The following PSEN1 variants were observed in gnomAD, a reference collection of about 807,000 sequenced individuals.
PSEN1 encodes presenilin-1.
In PSEN1, 15 loss-of-function variants were observed where a neutral mutation model predicts 53.5. The ratio of observed to expected loss-of-function variants is 0.28; its 90% CI spans 0.19 to 0.43. The LOEUF is 0.43. PSEN1 is among the 20% of genes least tolerant of loss of function. PSEN1 has a pLI of 1.00. For missense variants in PSEN1, 387 were observed against 571.2 expected, an observed-to-expected ratio of 0.68 and a Z score of 3.29; for synonymous variants, 208 against 209.8, an observed-to-expected ratio of 0.99 and a Z score of 0.08.
intron 3 of PSEN1, among the ~76,000 whole-genome samples, chr14:73,148,375 G>A (rs1897128953): frequency 6.6e-6 from 1 of 152,118 alleles, no homozygotes; most frequent in Non-Finnish European, 1.5e-5. Flanking sequence ...AGTTCATGTT[G>A]TTTATTATTT....
chr14:73,168,367 AC>A (rs1415635673), intron 3 of PSEN1: 1 of 152,134 alleles, frequency 6.6e-6, no homozygotes, highest in Non-Finnish European at 1.5e-5. Flanking sequence ...AAAAAAAAAA[AC>A]AAAAACAAAA....
chr14:73,173,490 C>T (rs1897951177), intron 4 of PSEN1, 76 bp from the exon 5 acceptor site: 2 of 1,431,114 alleles, frequency 1.4e-6, no homozygotes, highest in Admixed American at 1.7e-5. Flanking sequence ...AAAGAAAATT[C>T]TGTGTTGGAG....
intron 8 of PSEN1, among the ~76,000 whole-genome samples, chr14:73,205,917 G>A (rs1409139472): frequency 6.6e-6 from 1 of 152,082 alleles, no homozygotes. Context: ...TTTTTCTCAC[G>A]CCGGGTTTAA....
chr14:73,190,487 A>T (rs199825768), intron 6 of PSEN1, among the ~76,000 whole-genome samples: 6,325 of 107,110 alleles, frequency 0.059, 149 homozygotes, highest in Non-Finnish European at 0.075. Context: ...TCTCTATTTA[A>T]AAAAAAAAAA....
intron 10 of PSEN1, among the ~76,000 whole-genome samples, chr14:73,215,916 A>C (rs1288097880): frequency 5.3e-5 from 8 of 152,150 alleles, no homozygotes; most frequent in Admixed American, 5.2e-4. Flanking sequence ...AAAAACCTAA[A>C]CTTACATAGC....
chr14:73,175,326 C>T (rs1295178132), intron 5 of PSEN1, among the ~76,000 whole-genome samples: 4 of 151,996 alleles, frequency 2.6e-5, no homozygotes, highest in East Asian at 1.9e-4. Context: ...TGGGTTTTAC[C>T]GTGTTGGCCA....
At chr14:73,206,225 A>C (rs1899448265) in intron 8 of PSEN1, 161 bp from the exon 9 acceptor site, 1 of 667,824 alleles carries the variant, frequency 1.5e-6, no homozygotes, top group Admixed American at 2.3e-5. Flanking sequence ...TACCTGCTAA[A>C]ACCAAAGAGA....
intron 8 of PSEN1, among the ~76,000 whole-genome samples, chr14:73,199,299 G>A (rs886793382): frequency 1.3e-5 from 2 of 152,176 alleles, no homozygotes; most frequent in Non-Finnish European, 2.9e-5. Context: ...TCAAATAAAA[G>A]CAGAAGAGAA....
intron 8 of PSEN1, among the ~76,000 whole-genome samples, chr14:73,202,675 T>C (rs986739850): frequency 2.0e-5 from 3 of 150,824 alleles, no homozygotes; most frequent in Non-Finnish European, 4.4e-5. Context: ...GGTTTCACCG[T>C]GTTAGCCAGG....
At chr14:73,184,475 G>A (rs1487888309) in intron 5 of PSEN1, among the ~76,000 whole-genome samples, 1 of 97,250 alleles carries the variant, frequency 1.0e-5, no homozygotes, top group Non-Finnish European at 2.1e-5. Flanking sequence ...CCGGGCAGAG[G>A]CGCCCCTCAC....
chr14:73,160,604 GT>G (rs111650497), intron 3 of PSEN1, among the ~76,000 whole-genome samples: 9 of 150,424 alleles, frequency 6.0e-5, no homozygotes, highest in Admixed American at 2.0e-4. Context: ...AACGGGTGTA[GT>G]TTTTTTTTGC....
intron 8 of PSEN1, among the ~76,000 whole-genome samples, chr14:73,202,469 T>TA (rs1566648467): frequency 4.6e-4 from 24 of 52,376 alleles, no homozygotes; most frequent in African/African-American, 1.7e-3. Flanking sequence ...TATATTTTTT[T>TA]TTTTTTTTTT....
intron 3 of PSEN1, among the ~76,000 whole-genome samples, chr14:73,164,749 A>G (rs181054325): frequency 7.2e-4 from 109 of 152,332 alleles, no homozygotes; most frequent in African/African-American, 2.5e-3. Context: ...AGACTTTTAA[A>G]TTCCAAATTT....
chr14:73,215,037 C>T (rs917288420), intron 10 of PSEN1, among the ~76,000 whole-genome samples: 2 of 152,088 alleles, frequency 1.3e-5, no homozygotes, highest in African/African-American at 4.8e-5. Context: ...TCTCAGCTCA[C>T]TGCAACTCTG....
chr14:73,154,057 A>G (rs1897294989), intron 3 of PSEN1, among the ~76,000 whole-genome samples: 1 of 152,126 alleles, frequency 6.6e-6, no homozygotes, highest in South Asian at 2.1e-4. Context: ...AATGTATTTT[A>G]AGTAAATATT....
chr14:73,202,459 T>TATAG (rs1899259437), intron 8 of PSEN1, among the ~76,000 whole-genome samples: 2 of 18,626 alleles, frequency 1.1e-4, no homozygotes, highest in African/African-American at 7.1e-4. Flanking sequence ...TATATATATA[T>TATAG]ATATTTTTTT....
intron 9 of PSEN1, among the ~76,000 whole-genome samples, chr14:73,207,770 C>A (rs1397615772): frequency 1.3e-5 from 2 of 152,226 alleles, no homozygotes; most frequent in African/African-American, 4.8e-5. Flanking sequence ...TCTCTACCAG[C>A]TGGACCCCAT....
At chr14:73,182,516 A>T (rs569141866) in intron 5 of PSEN1, among the ~76,000 whole-genome samples, 5 of 152,048 alleles carry the variant, frequency 3.3e-5, no homozygotes, top group South Asian at 2.1e-4. Flanking sequence ...TTAAAAAAAA[A>T]ATATTTGGGG....
At chr14:73,207,774 A>AC (rs1012121108) in intron 9 of PSEN1, among the ~76,000 whole-genome samples, 1 of 152,106 alleles carries the variant, frequency 6.6e-6, no homozygotes, top group Non-Finnish European at 1.5e-5. Context: ...TACCAGCTGG[A>AC]CCCCATGCCT....
Sources: allele counts gnomAD v4.1 joint callset (sites outside exome capture counted in the v4.1 genomes callset), GRCh38; gene constraint gnomAD v4.1.1; transcripts MANE v1.5; gene names NCBI Gene and HGNC (gene_info 2026-07-23, HGNC 2026-07-21).